The following NME8 variants were observed in gnomAD, a reference collection of about 807,000 sequenced individuals.
NME8 encodes protein NME8.
Under a neutral mutation model 82.3 loss-of-function variants are expected in NME8, and 72 were observed. The observed-to-expected ratio is 0.87, with a 90% CI of 0.72 to 1.06. NME8 has a LOEUF of 1.06. Among genes scored for constraint, NME8 ranks in the 50% least tolerant of loss-of-function variants. The pLI is 0.00. For synonymous variants in NME8, 267 were observed against 228.5 expected (o/e 1.17, Z -1.52); for missense variants, 712 against 685.4 (o/e 1.04, Z -0.43).
intron 14 of NME8, 128 bp from the exon 15 acceptor site, chr7:37,888,149 C>A: frequency 1.1e-6 from 1 of 904,222 alleles, no homozygotes; most frequent in East Asian, 2.5e-5. Context: ...GTACTTACTT[C>A]CTTTTGCACA....
rs1313272730 is a variant in NME8, at chr7:37,864,295, C to T, written c.455-53C>T. On this transcript the variant is annotated intron_variant, in intron 8 of 17. Transcript: ENST00000199447. Reference sequence around the variant, plus strand: ...GCTAATTGCCAGATCCTTCATTATCCAGACTTCGTGCCAAGAAAATGAAAT... The same window carrying T: ...GCTAATTGCCAGATCCTTCATTATCTAGACTTCGTGCCAAGAAAATGAAAT... The T allele has an allele frequency of 1.4e-5, 22 of 1,550,462 alleles. No homozygotes were observed. The South Asian group carries it at 2.2e-4, about 15-fold the overall frequency.
chr7:37,899,970 G>C (rs1223954029), intron 17 of NME8, among the ~76,000 whole-genome samples: 1 of 152,104 alleles, frequency 6.6e-6, no homozygotes, highest in Non-Finnish European at 1.5e-5. Flanking sequence ...GGTTTAACCA[G>C]CAATTCTGAA....
rs552873652 is a variant in NME8 at position 37,897,861 on chromosome 7, A to G, written c.*15+754A>G. On this transcript the variant is annotated intron_variant, in intron 17 of 17. Transcript: ENST00000199447. The stretch of plus-strand genomic sequence containing the variant: ...GACATGATCCTTTTGATGGCTGCGT[A>G]GTATTCCATGTACCACATTTTCTTT... 1.2e-4 allele frequency among the ~76,000 whole-genome samples: 18 copies of G among 152,170 alleles called. 1 individual carries two copies. In the South Asian group the frequency reaches 3.7e-3, roughly 32 times the overall value.
chr7:37,851,060 G>A (rs1359149909), intron 5 of NME8, among the ~76,000 whole-genome samples: 1 of 152,140 alleles, frequency 6.6e-6, no homozygotes, highest in Non-Finnish European at 1.5e-5. Context: ...TACAAAAGCT[G>A]TTTACTGGGT....
Position 37,851,370 on chromosome 7 carries a change from A to C in NME8, c.198+635A>C, listed in dbSNP as rs146206039. On this transcript the variant is annotated intron_variant, in intron 5 of 17. Transcript: ENST00000199447. ...AATTTAAATCTGGATTTTCAAACTG[A>C]TACTCCATTGAGTTATTGTAAAACT... is the stretch of plus-strand genomic sequence containing the variant. 4.6e-5 allele frequency among the ~76,000 whole-genome samples: 7 copies of C among 152,302 alleles called. No homozygotes were observed. The East Asian group carries it at 1.2e-3, about 25-fold the overall frequency.
intron 11 of NME8, among the ~76,000 whole-genome samples, chr7:37,875,459 G>C (rs1382311045): frequency 7.5e-6 from 1 of 133,046 alleles, no homozygotes; most frequent in Non-Finnish European, 1.7e-5. Flanking sequence ...ATTGGGGGAT[G>C]AAAGCAGGAG....
chr7:37,872,520 G>T (rs1442403338), intron 11 of NME8, among the ~76,000 whole-genome samples: 1 of 152,176 alleles, frequency 6.6e-6, no homozygotes, highest in Non-Finnish European at 1.5e-5. Flanking sequence ...AGATTCAATT[G>T]CTAGGTATAC....
chr7:37,876,777 A>G, intron 11 of NME8, 55 bp from the exon 12 acceptor site: 2 of 1,278,630 alleles, frequency 1.6e-6, no homozygotes, highest in South Asian at 1.3e-5. Flanking sequence ...ATTTGTTGGC[A>G]TGGTTATAAA....
At chr7:37,897,962 T>C (rs1203381384) in intron 17 of NME8, among the ~76,000 whole-genome samples, 4 of 152,194 alleles carry the variant, frequency 2.6e-5, no homozygotes, top group Admixed American at 1.3e-4. Flanking sequence ...AATAAACATA[T>C]GTGTGCATGT....
chr7:37,863,180 A>G lies in NME8; in HGVS notation c.388-216A>G, dbSNP rs900557579. On this transcript the variant is annotated intron_variant, in intron 7 of 17. Transcript: ENST00000199447. ...TTGCTACCCTTTTCATACTGCACATATGCATTATTCCTGCCCCTTCCATTT... is the reference window on the plus strand; with the variant it reads ...TTGCTACCCTTTTCATACTGCACATGTGCATTATTCCTGCCCCTTCCATTT... 1.3e-5 allele frequency among the ~76,000 whole-genome samples: 2 copies of G among 152,134 alleles called. 1 individual carries two copies. Among genetic ancestry groups the G allele is most frequent in the Middle Eastern group, 6.3e-3 (2 of 316 alleles).
intron 16 of NME8, among the ~76,000 whole-genome samples, chr7:37,894,839 C>A (rs1000230649): frequency 6.6e-6 from 1 of 151,644 alleles, no homozygotes; most frequent in Non-Finnish European, 1.5e-5. Context: ...ATTCTTTCTT[C>A]CTTCCTACTT....
At chr7:37,876,225 T>TAGATAGATAG (rs1562835618) in intron 11 of NME8, among the ~76,000 whole-genome samples, 1 of 128,838 alleles carries the variant, frequency 7.8e-6, no homozygotes, top group African/African-American at 3.4e-5. Context: ...ACTATATATA[T>TAGATAGATAG]ATATATAGAT....
rs1333945906 is a variant in NME8 at position 37,900,350 on chromosome 7, CA to C, written c.*127del. The C allele has an allele frequency of 6.6e-6, 1 of 152,082 alleles. No homozygotes were observed. Among genetic ancestry groups the C allele is most frequent in the Non-Finnish European group, 1.5e-5 (1 of 67,998 alleles). The allele number at this position is 152,082 out of a possible 1,614,324, so 9.4% of individuals were successfully genotyped here. ...ATGCTTTGGAGGAAAACTCAAGATA[CA>C]AAAATGAATGGCTATGCATAATAAC... On this transcript the variant is annotated 3_prime_UTR_variant, in exon 18 of 18. Transcript: ENST00000199447.
At position 37,872,773 on chromosome 7, in the gene NME8, AAACT is replaced by A. The variant is rs1179366409; in HGVS notation, c.819-4054_819-4051del. 2.7e-4 allele frequency among the ~76,000 whole-genome samples: 27 copies of A among 101,096 alleles called. No individual in the cohort carries two copies. In the East Asian group the frequency reaches 3.0e-3, roughly 11 times the overall value. 66.3% of individuals were successfully genotyped at this position (101,096 alleles called of 152,430 possible). ...CTGCACAGAGAAAGAACAGATGGAC[AAACT>A]AACTCAACAAATAATGGGGGAATTT... is the stretch of plus-strand genomic sequence containing the variant. On this transcript the variant is annotated intron_variant, in intron 11 of 17. Transcript: ENST00000199447.
At position 37,884,492 on chromosome 7, in the gene NME8, CA is replaced by C. The variant is rs756132898; in HGVS notation, c.1139+46del. The C allele has an allele frequency of 2.6e-6, 4 of 1,548,646 alleles. No individual in the cohort carries two copies. The Admixed American group carries it at 6.7e-5, about 26-fold the overall frequency. On this transcript the variant is annotated intron_variant, in intron 13 of 17. Coordinates refer to ENST00000199447, the MANE Select transcript of NME8 (RefSeq NM_016616.5). ...AATTCAGTCTGATTTATTTTTGAATCATGTAAACTTTCTCTTAAGTCTGGTT... is the reference window on the plus strand; with the variant it reads ...AATTCAGTCTGATTTATTTTTGAATCTGTAAACTTTCTCTTAAGTCTGGTT...
intron 5 of NME8, among the ~76,000 whole-genome samples, chr7:37,851,817 A>G (rs1049287166): frequency 1.3e-5 from 2 of 152,192 alleles, no homozygotes; most frequent in African/African-American, 4.8e-5. Context: ...TATCTCTGAA[A>G]TACATAGTTC....
chr7:37,885,982 A>G (rs564696806), intron 14 of NME8, among the ~76,000 whole-genome samples: 2 of 152,320 alleles, frequency 1.3e-5, no homozygotes, highest in African/African-American at 4.8e-5. Flanking sequence ...TCTTTAAGGT[A>G]CTGCAAACAT....
intron 15 of NME8, among the ~76,000 whole-genome samples, chr7:37,891,894 G>A (rs1785134956): frequency 6.6e-6 from 1 of 151,988 alleles, no homozygotes; most frequent in Non-Finnish European, 1.5e-5. Context: ...CTTTGTGACA[G>A]TTAGGTACTT....
chr7:37,884,462 G>T lies in NME8; in HGVS notation c.1139+15G>T. 6.2e-7 allele frequency: 1 copy of T among 1,604,702 alleles called. No individual in the cohort carries two copies. Among genetic ancestry groups the T allele is most frequent in the South Asian group, 1.1e-5 (1 of 90,676 alleles). On this transcript the variant is annotated intron_variant, in intron 13 of 17. Coordinates refer to ENST00000199447, the MANE Select transcript of NME8 (RefSeq NM_016616.5). ...AACATGACCAGGTAGAATCCAGGTTGAGAAAATTCAGTCTGATTTATTTTT... is the reference window on the plus strand; with the variant it reads ...AACATGACCAGGTAGAATCCAGGTTTAGAAAATTCAGTCTGATTTATTTTT...
Sources: allele counts gnomAD v4.1 joint callset (sites outside exome capture counted in the v4.1 genomes callset), GRCh38; gene constraint gnomAD v4.1.1; transcripts MANE v1.5; gene names NCBI Gene and HGNC (gene_info 2026-07-23, HGNC 2026-07-21).